Variants in PCDHA6 observed in about 807,000 individuals in gnomAD.
The protein encoded by PCDHA6 is protocadherin alpha-6.
Under a neutral mutation model 60.3 loss-of-function variants are expected in PCDHA6, and 55 were observed. That is an observed-to-expected ratio of 0.91 (90% CI 0.73 to 1.14). The LOEUF (loss-of-function observed/expected upper bound fraction) is 1.14. PCDHA6 is among the 50% of genes most tolerant of loss of function. The pLI is 0.00. For synonymous variants in PCDHA6, 652 were observed against 557.9 expected, an observed-to-expected ratio of 1.17 and a Z score of -2.38; for missense variants, 1,327 against 1,256.5, an observed-to-expected ratio of 1.06 and a Z score of -0.85.
Position 140,848,639 on chromosome 5 carries a change from C to A in PCDHA6, c.2394+18154C>A, listed in dbSNP as rs2150415771. 38 of 1,593,274 alleles carry A rather than the reference C, an allele frequency of 2.4e-5. 3 individuals carry two copies. Among genetic ancestry groups the A allele is most frequent in the Non-Finnish European group, 3.1e-5 (36 of 1,163,894 alleles). On this transcript the variant is annotated intron_variant, in intron 1 of 3. Coordinates refer to ENST00000529310, the MANE Select transcript of PCDHA6 (RefSeq NM_018909.4). ...AACACGGCACCTTCGTGGGCCGCAT[C>A]GCGCAGGACCTGGGGCTGGAGCTGG... is the stretch of plus-strand genomic sequence containing the variant.
intron 1 of PCDHA6, among the ~76,000 whole-genome samples, chr5:140,886,671 C>A (rs1411583056): frequency 6.6e-6 from 1 of 151,634 alleles, no homozygotes; most frequent in East Asian, 1.9e-4. Context: ...ACTAAAAATA[C>A]AAAAATTAGC....
chr5:140,965,326 A>T (rs184855153), intron 1 of PCDHA6, among the ~76,000 whole-genome samples: 1 of 152,298 alleles, frequency 6.6e-6, no homozygotes, highest in African/African-American at 2.4e-5. Context: ...TACTGAAGTG[A>T]ATTTGTTGTC....
intron 1 of PCDHA6, chr5:140,928,696 C>G: frequency 6.2e-7 from 1 of 1,614,146 alleles, no homozygotes. Flanking sequence ...CCACATCTCC[C>G]GGGCGTCTGA....
At position 140,851,650 on chromosome 5, in the gene PCDHA6, G is replaced by C. The variant is rs1324719591; in HGVS notation, c.2394+21165G>C. The C allele has an allele frequency of 4.4e-6, 4 of 912,450 alleles. No homozygotes were observed. The African/African-American group carries it at 7.2e-5, about 16-fold the overall frequency. 56.5% of individuals were successfully genotyped at this position (912,450 alleles called of 1,614,324 possible). ...AACAAGTGTTTCCTTTCTTCAAGAA[G>C]ACATTCTCCTTTTAATTGAAATTTT... On this transcript the variant is annotated intron_variant, in intron 1 of 3. Transcript: ENST00000529310.
At chr5:140,862,185 A>G (rs561305480) in intron 1 of PCDHA6, 1 of 166,788 alleles carries the variant, frequency 6.0e-6, no homozygotes, top group South Asian at 1.6e-4. Flanking sequence ...TGACACAGGC[A>G]ATTCCCCAAT....
intron 1 of PCDHA6, among the ~76,000 whole-genome samples, chr5:140,950,648 T>C (rs2153690319): frequency 6.6e-6 from 1 of 152,222 alleles, no homozygotes; most frequent in East Asian, 1.9e-4. Flanking sequence ...CTGTTTATGG[T>C]TGGCTGAGTT....
intron 1 of PCDHA6, chr5:140,849,802 G>A (rs2041146387): frequency 6.3e-7 from 1 of 1,598,478 alleles, no homozygotes; most frequent in Non-Finnish European, 8.6e-7. Flanking sequence ...CCTTCACTGT[G>A]GGCCACGGCC....
intron 1 of PCDHA6, among the ~76,000 whole-genome samples, chr5:140,844,934 G>A (rs1554140786): frequency 6.7e-6 from 1 of 149,226 alleles, no homozygotes; most frequent in Admixed American, 6.7e-5. Context: ...GGGAATGAAC[G>A]ATTTCTGGGA....
At chr5:140,869,350 A>G (rs1197202286) in intron 1 of PCDHA6, 3 of 1,614,064 alleles carry the variant, frequency 1.9e-6, no homozygotes, top group Non-Finnish European at 1.7e-6. Flanking sequence ...GCAGAATGGC[A>G]TTTTGTTTGT....
intron 1 of PCDHA6, among the ~76,000 whole-genome samples, chr5:140,908,375 G>C (rs922545563): frequency 6.6e-6 from 1 of 152,174 alleles, no homozygotes; most frequent in Non-Finnish European, 1.5e-5. Context: ...TTCAGGACCT[G>C]CTCGAGCCCG....
At chr5:140,891,218 A>G (rs1554184722) in intron 1 of PCDHA6, among the ~76,000 whole-genome samples, 1 of 152,044 alleles carries the variant, frequency 6.6e-6, no homozygotes, top group African/African-American at 2.4e-5. Flanking sequence ...CTGTGTCTTT[A>G]TAATCATCCT....
chr5:140,833,369 AT>A (rs1397488143), intron 1 of PCDHA6, among the ~76,000 whole-genome samples: 1 of 152,192 alleles, frequency 6.6e-6, no homozygotes, highest in Non-Finnish European at 1.5e-5. Context: ...AGTAAGGTAG[AT>A]CCAAAAAGGA....
intron 1 of PCDHA6, chr5:140,853,295 G>T: frequency 1.0e-6 from 1 of 982,026 alleles, no homozygotes. Flanking sequence ...ATTCTCAGAA[G>T]GGCTGTGAAC....
chr5:140,858,421 G>C (rs782781172), intron 1 of PCDHA6: 2 of 1,557,082 alleles, frequency 1.3e-6, no homozygotes, highest in African/African-American at 1.4e-5. Context: ...CTATTGGAGG[G>C]GACCACTCTA....
Position 140,848,471 on chromosome 5 carries a change from A to C in PCDHA6, c.2394+17986A>C, listed in dbSNP as rs1410675725. 39 of 1,555,188 alleles carry C rather than the reference A, an allele frequency of 2.5e-5. 4 individuals carry two copies. Among genetic ancestry groups the C allele is most frequent in the Non-Finnish European group, 3.2e-5 (37 of 1,144,100 alleles). On this transcript the variant is annotated intron_variant, in intron 1 of 3. Transcript: ENST00000529310. ...TCTAATTTGGAGGCAATTTTCACTA[A>C]TTAGAAGAAGACTGAGTATTTGAAA...
At chr5:141,003,173 G>A (rs782452600) in intron 3 of PCDHA6, among the ~76,000 whole-genome samples, 6 of 152,174 alleles carry the variant, frequency 3.9e-5, no homozygotes, top group Non-Finnish European at 5.9e-5. Context: ...AGTCCCTGAG[G>A]CTCAACTCCA....
intron 1 of PCDHA6, chr5:140,843,527 A>T (rs2150362053): frequency 6.3e-7 from 1 of 1,595,944 alleles, no homozygotes; most frequent in East Asian, 2.2e-5. Flanking sequence ...CCGGGCGGGC[A>T]AGCCCACTCT....
At chr5:140,870,077 G>T (rs2051636689) in intron 1 of PCDHA6, 1 of 1,613,688 alleles carries the variant, frequency 6.2e-7, no homozygotes, top group African/African-American at 1.3e-5. Context: ...ACAGATAAGG[G>T]GACTCCCCCA....
chr5:140,943,571 G>A (rs1164273913), intron 1 of PCDHA6, among the ~76,000 whole-genome samples: 4 of 152,152 alleles, frequency 2.6e-5, no homozygotes, highest in Admixed American at 2.6e-4. Context: ...ATTTTAATTT[G>A]TTGATCTGAG....
Sources: gnomAD v4.1 joint callset for allele counts (sites outside exome capture counted in the v4.1 genomes callset) on GRCh38, gnomAD v4.1.1 for gene constraint, MANE v1.5 for transcripts, NCBI Gene and HGNC (gene_info 2026-07-23, HGNC 2026-07-21) for gene names.